AGBL1: variants seen among roughly 807,000 people sequenced by gnomAD.
AGBL1 encodes the protein AGBL carboxypeptidase 1, also known as cytosolic carboxypeptidase 4.
In AGBL1, 130 loss-of-function variants were observed where a neutral mutation model predicts 118.9. The ratio of observed to expected loss-of-function variants is 1.09; its 90% CI spans 0.95 to 1.26. The LOEUF (loss-of-function observed/expected upper bound fraction) is 1.26. Among genes scored for constraint, AGBL1 ranks in the 50% most tolerant of loss-of-function variants. The pLI is 0.00. For synonymous variants in AGBL1, 555 were observed against 478.9 expected (o/e 1.16, Z -2.08); for missense variants, 1,584 against 1,298.1 (o/e 1.22, Z -3.38).
At chr15:86,552,513 T>G (rs2142266595) in intron 20 of AGBL1, among the ~76,000 whole-genome samples, 1 of 152,352 alleles carries the variant, frequency 6.6e-6, no homozygotes, top group South Asian at 2.1e-4. Flanking sequence ...TATGTCTATT[T>G]GACCAGCCCC....
At chr15:86,246,206 T>G (rs1384317670) in intron 6 of AGBL1, among the ~76,000 whole-genome samples, 2 of 152,180 alleles carry the variant, frequency 1.3e-5, no homozygotes, top group Non-Finnish European at 2.9e-5. Context: ...TCTAACTTGA[T>G]CTTGGGGTCT....
chr15:86,493,058 G>A (rs951416862), intron 18 of AGBL1, among the ~76,000 whole-genome samples: 7 of 152,250 alleles, frequency 4.6e-5, no homozygotes, highest in Admixed American at 2.6e-4. Flanking sequence ...GCTGGGCATG[G>A]TGGTGCACAC....
At chr15:86,735,568 C>T (rs2077580321) in intron 22 of AGBL1, among the ~76,000 whole-genome samples, 1 of 150,446 alleles carries the variant, frequency 6.6e-6, no homozygotes, top group African/African-American at 2.5e-5. Context: ...TTTACTACTA[C>T]CTTCTATTGT....
At chr15:86,112,237 T>C (rs1876801213) in intron 1 of AGBL1, among the ~76,000 whole-genome samples, 1 of 152,140 alleles carries the variant, frequency 6.6e-6, no homozygotes, top group African/African-American at 2.4e-5. Context: ...TCCACAAAAC[T>C]AGTCCCTGGT....
At chr15:86,971,381 C>A (rs1051665095) in intron 23 of AGBL1, among the ~76,000 whole-genome samples, 3 of 151,904 alleles carry the variant, frequency 2.0e-5, no homozygotes, top group African/African-American at 7.3e-5. Flanking sequence ...TTCCTTAGCA[C>A]CCTGCTCTAA....
intron 5 of AGBL1, among the ~76,000 whole-genome samples, chr15:86,173,890 T>A (rs2077447754): frequency 6.6e-6 from 1 of 152,150 alleles, no homozygotes; most frequent in Non-Finnish European, 1.5e-5. Flanking sequence ...GCCTCCAGCT[T>A]TGTTCATTTT....
At chr15:86,757,294 C>G (rs998761937) in intron 22 of AGBL1, among the ~76,000 whole-genome samples, 9 of 152,060 alleles carry the variant, frequency 5.9e-5, no homozygotes, top group African/African-American at 1.9e-4. Flanking sequence ...TCTACATTCT[C>G]TCATTTTAAC....
At chr15:86,940,626 G>C (rs1349354553) in intron 23 of AGBL1, among the ~76,000 whole-genome samples, 2 of 152,166 alleles carry the variant, frequency 1.3e-5, no homozygotes, top group Non-Finnish European at 2.9e-5. Context: ...TCAAAATGGA[G>C]TCACTTATGC....
chr15:86,277,003 C>A (rs895280408), intron 15 of AGBL1, among the ~76,000 whole-genome samples: 1 of 152,140 alleles, frequency 6.6e-6, no homozygotes, highest in Admixed American at 6.6e-5. Context: ...CTGGACAACT[C>A]CTGCTACAAG....
intron 21 of AGBL1, among the ~76,000 whole-genome samples, chr15:86,617,934 G>A (rs1462177203): frequency 2.0e-5 from 3 of 152,122 alleles, no homozygotes; most frequent in Non-Finnish European, 4.4e-5. Context: ...TGCAATATTA[G>A]TGGAATAATA....
At chr15:86,581,152 G>T (rs1343447232) in intron 21 of AGBL1, among the ~76,000 whole-genome samples, 1 of 152,096 alleles carries the variant, frequency 6.6e-6, no homozygotes, top group Non-Finnish European at 1.5e-5. Context: ...TTAAAGCCTG[G>T]GTGGTCTTGA....
At chr15:86,574,570 A>ATT (rs776642678) in intron 21 of AGBL1, among the ~76,000 whole-genome samples, 6,204 of 83,408 alleles carry the variant, frequency 0.074, 133 homozygotes, top group East Asian at 0.15. Context: ...AAAAGTTTTA[A>ATT]TTTTTTTTTT....
intron 18 of AGBL1, among the ~76,000 whole-genome samples, chr15:86,429,168 TG>T (rs1308005270): frequency 3.9e-5 from 6 of 152,176 alleles, no homozygotes; most frequent in Non-Finnish European, 2.9e-5. Context: ...GCAAGTAGAG[TG>T]CTCTCTCTGT....
intron 21 of AGBL1, among the ~76,000 whole-genome samples, chr15:86,571,359 A>C (rs2142310722): frequency 6.6e-6 from 1 of 152,268 alleles, no homozygotes; most frequent in Admixed American, 6.5e-5. Context: ...TCCAGGAAGA[A>C]TGAGGTTCAC....
intron 18 of AGBL1, among the ~76,000 whole-genome samples, chr15:86,484,077 A>G (rs1360946787): frequency 6.6e-6 from 1 of 152,148 alleles, no homozygotes; most frequent in East Asian, 1.9e-4. Context: ...CTATCCGTGA[A>G]GAGCCATTCT....
At chr15:86,705,932 T>C (rs754852500) in intron 22 of AGBL1, among the ~76,000 whole-genome samples, 3 of 151,928 alleles carry the variant, frequency 2.0e-5, no homozygotes, top group Non-Finnish European at 4.4e-5. Flanking sequence ...TACTTGCAAA[T>C]GGAATACTGA....
intron 21 of AGBL1, among the ~76,000 whole-genome samples, chr15:86,661,337 G>A (rs1378390097): frequency 6.6e-6 from 1 of 151,978 alleles, no homozygotes; most frequent in Non-Finnish European, 1.5e-5. Context: ...TAGACTGGAG[G>A]CAGGTACATG....
At chr15:86,165,055 C>T (rs1419175517) in intron 5 of AGBL1, among the ~76,000 whole-genome samples, 2 of 152,184 alleles carry the variant, frequency 1.3e-5, no homozygotes, top group African/African-American at 4.8e-5. Context: ...GGGTCAGTCT[C>T]ATGTTATGAG....
chr15:86,175,948 A>C (rs1272491266), intron 5 of AGBL1, among the ~76,000 whole-genome samples: 3 of 152,124 alleles, frequency 2.0e-5, no homozygotes, highest in African/African-American at 7.2e-5. Flanking sequence ...TGATGAGAGG[A>C]ATGTGTATTC....
Sources: gnomAD v4.1 joint callset for allele counts (sites outside exome capture counted in the v4.1 genomes callset) on GRCh38, gnomAD v4.1.1 for gene constraint, MANE v1.5 for transcripts, NCBI Gene and HGNC (gene_info 2026-07-23, HGNC 2026-07-21) for gene names.